PAG1: variants seen among roughly 807,000 people sequenced by gnomAD.
PAG1 encodes phosphoprotein associated with glycosphingolipid-enriched microdomains 1.
A neutral mutation model predicts 31.7 loss-of-function variants in PAG1; 23 were observed. The observed-to-expected ratio is 0.73, with a 90% CI of 0.52 to 1.03. The LOEUF is 1.03. Ranked by LOEUF, PAG1 falls within the 50% of genes least tolerant of loss-of-function variation. PAG1 has a pLI of 0.00. For missense variants in PAG1, 473 were observed against 540.7 expected (o/e 0.87, Z 1.24); for synonymous variants, 214 against 210.3 (o/e 1.02, Z -0.15).
At chr8:81,037,512 G>C (rs1808480805) in intron 2 of PAG1, among the ~76,000 whole-genome samples, 1 of 152,202 alleles carries the variant, frequency 6.6e-6, no homozygotes, top group Non-Finnish European at 1.5e-5. Flanking sequence ...AATCTTTCTT[G>C]TTGGCACAGA....
At chr8:81,108,761 C>T (rs1213277058) in intron 1 of PAG1, among the ~76,000 whole-genome samples, 4 of 152,194 alleles carry the variant, frequency 2.6e-5, no homozygotes, top group Admixed American at 1.3e-4. Context: ...AAGTACTGCT[C>T]ACACAGCACC....
chr8:80,987,660 G>A (rs1807453753), intron 5 of PAG1, 194 bp from the exon 6 acceptor site: 1 of 532,382 alleles, frequency 1.9e-6, no homozygotes, highest in Non-Finnish European at 3.4e-6. Context: ...AAAACCATGA[G>A]TAGTACTGAA....
At chr8:81,073,251 A>G (rs1809122867) in intron 1 of PAG1, among the ~76,000 whole-genome samples, 1 of 152,192 alleles carries the variant, frequency 6.6e-6, no homozygotes, top group African/African-American at 2.4e-5. Flanking sequence ...TGTAAAATAG[A>G]ACTGGTTACA....
Position 81,066,202 on chromosome 8 carries a change from C to T in PAG1, c.-175+3910G>A, listed in dbSNP as rs149948520. On this transcript the variant is annotated intron_variant, in intron 2 of 8. Coordinates refer to ENST00000220597, the MANE Select transcript of PAG1 (RefSeq NM_018440.4). Reference sequence around the variant, plus strand: ...TTCCAATAACCCGTTGTGCATCAGACACAATCATGGCTTGGCTTCAGTCAC... The same window carrying T: ...TTCCAATAACCCGTTGTGCATCAGATACAATCATGGCTTGGCTTCAGTCAC... Among the ~76,000 whole-genome samples the T allele has an allele frequency of 9.3e-3, 1,419 of 152,334 alleles. 10 individuals are homozygous for T. Among genetic ancestry groups the T allele is most frequent in the Non-Finnish European group, 0.015 (1,031 of 68,030 alleles).
At chr8:80,976,950 TC>T (rs762992425) in intron 8 of PAG1, 44 bp from the exon 9 acceptor site, 20 of 1,543,548 alleles carry the variant, frequency 1.3e-5, no homozygotes, top group Middle Eastern at 1.8e-4. Context: ...AGCTGTGACT[TC>T]CCCCTCCCTC....
At position 80,976,745 on chromosome 8, in the gene PAG1, T is replaced by C; in HGVS notation, c.1098A>G (p.Glu366=). 1 of 1,614,192 alleles carries C rather than the reference T, an allele frequency of 6.2e-7. No individual in the cohort carries two copies. Among genetic ancestry groups the C allele is most frequent in the East Asian group, 2.2e-5 (1 of 44,890 alleles). The stretch of plus-strand genomic sequence containing the variant: ...GTGGAAGTGTGCTGTTTGGAGTTTT[T>C]TCGAAGTCTTTAACAGTAGCATAGA... ...NDLYATVKDF[E]KTPNSTLPPA... is the part of the protein sequence containing the mutation. Residue 366 remains glutamate (E), a synonymous_variant, in exon 9 of 9, where the codon GAA becomes GAG. Transcript: ENST00000220597.
intron 3 of PAG1, among the ~76,000 whole-genome samples, chr8:80,999,882 ATGG>A (rs1807753154): frequency 1.3e-5 from 2 of 152,106 alleles, no homozygotes; most frequent in African/African-American, 4.8e-5. Flanking sequence ...TTCATTTTTA[ATGG>A]TGAAGAGAGA....
In PAG1 at chr8:80,990,410, G is replaced by C. The variant is rs1197629008; in HGVS notation, c.177+1069C>G. Reference sequence around the variant, plus strand: ...TTACGCCAGACCTTGGCTCATCCATGCTTCCTTGTTTGCACCCTCTCCTCC... The same window carrying C: ...TTACGCCAGACCTTGGCTCATCCATCCTTCCTTGTTTGCACCCTCTCCTCC... On this transcript the variant is annotated intron_variant, in intron 5 of 8. Coordinates refer to ENST00000220597, the MANE Select transcript of PAG1 (RefSeq NM_018440.4). The surrounding 1 kb of genome is among the most constrained non-coding windows in gnomAD (Gnocchi z 5.1). 1.3e-5 allele frequency among the ~76,000 whole-genome samples: 2 copies of C among 152,142 alleles called. No homozygotes were observed. The highest frequency in any genetic ancestry group is 2.9e-5 in the Non-Finnish European group (2 of 68,032).
chr8:81,005,312 G>A lies in PAG1; in HGVS notation c.-80-12005C>T, dbSNP rs553982665. Among the ~76,000 whole-genome samples the A allele has an allele frequency of 1.3e-4, 20 of 152,272 alleles. No individual in the cohort carries two copies. The South Asian group carries it at 3.1e-3, about 24-fold the overall frequency. ...ATGGCATATATATGTATGTATGTAT[G>A]TATGTATTTATATACTCCAATACAT... is the stretch of plus-strand genomic sequence containing the variant. On this transcript the variant is annotated intron_variant, in intron 3 of 8. Transcript: ENST00000220597.
Position 80,991,593 on chromosome 8 carries a change from C to T in PAG1, c.126-63G>A, listed in dbSNP as rs538304074. On this transcript the variant is annotated intron_variant, in intron 4 of 8. Transcript: ENST00000220597. ...CCCCCTTAAAATCAAGCGCACACTA[C>T]CCTTTCCTATCCCAATTCTTATCAG... is the stretch of plus-strand genomic sequence containing the variant. 408 of 1,071,858 alleles carry T rather than the reference C, an allele frequency of 3.8e-4. 5 individuals are homozygous for T. In the South Asian group the frequency reaches 4.9e-3, roughly 13 times the overall value. The allele number at this position is 1,071,858 out of a possible 1,614,324, so 66.4% of individuals were successfully genotyped here.
chr8:80,987,508 C>A lies in PAG1; in HGVS notation c.178-42G>T, dbSNP rs374536379. The A allele has an allele frequency of 5.3e-5, 72 of 1,366,910 alleles. No individual in the cohort carries two copies. The African/African-American group carries it at 9.7e-4, about 18-fold the overall frequency. The allele number at this position is 1,366,910 out of a possible 1,614,324, so 84.7% of individuals were successfully genotyped here. On this transcript the variant is annotated intron_variant, in intron 5 of 8. Coordinates refer to ENST00000220597, the MANE Select transcript of PAG1 (RefSeq NM_018440.4). ...AAACAAAAACAAATGCATCACATTG[C>A]TAAGAATCTGGACTGCAGAGCAGAG...
At chr8:81,072,779 T>C (rs1404807081) in intron 1 of PAG1, among the ~76,000 whole-genome samples, 3 of 152,170 alleles carry the variant, frequency 2.0e-5, no homozygotes, top group Non-Finnish European at 4.4e-5. Context: ...GTAGTGTGGA[T>C]GGGGACCATT....
At chr8:81,050,525 G>A (rs1432141080) in intron 2 of PAG1, among the ~76,000 whole-genome samples, 1 of 152,028 alleles carries the variant, frequency 6.6e-6, no homozygotes, top group Non-Finnish European at 1.5e-5. Context: ...CTTCATAAGT[G>A]TAGCTGTCAT....
rs147273873 is a variant in PAG1 at position 81,008,996 on chromosome 8, T to A, written c.-80-15689A>T. On this transcript the variant is annotated intron_variant, in intron 3 of 8. Coordinates refer to ENST00000220597, the MANE Select transcript of PAG1 (RefSeq NM_018440.4). The stretch of plus-strand genomic sequence containing the variant: ...GTGATAAACTCCTAGAGATTTTACT[T>A]CTCAGAAGAAGGTTTTCTGTCCTGG... 1.6e-3 allele frequency among the ~76,000 whole-genome samples: 251 copies of A among 152,354 alleles called. 5 individuals are homozygous for A. The East Asian group carries it at 0.041, about 25-fold the overall frequency.
chr8:81,040,998 G>A (rs1037905718), intron 2 of PAG1, among the ~76,000 whole-genome samples: 2 of 152,292 alleles, frequency 1.3e-5, no homozygotes, highest in East Asian at 1.9e-4. Flanking sequence ...ACAAATGCTC[G>A]CGAGGGTAAC....
chr8:80,985,071 G>A lies in PAG1; in HGVS notation c.581C>T (p.Ala194Val). The change falls in exon 7 of 9, where the codon GCA (alanine) becomes GTA (valine). Residue 194 changes from alanine (A) to valine (V), a missense_variant. Transcript: ENST00000220597. ...GCCACTGTGGCCTTTCTCCAGGTGT[G>A]CAGCTGCAGCCACCTCCTTGATCTC... is the stretch of plus-strand genomic sequence containing the variant. ...VKEIKEVAAA[A>V]HLEKGHSGKA... 6.2e-7 allele frequency: 1 copy of A among 1,614,104 alleles called. No individual in the cohort carries two copies. Among genetic ancestry groups the A allele is most frequent in the Non-Finnish European group, 8.5e-7 (1 of 1,180,008 alleles).
rs1300330180 is a variant in PAG1, at chr8:80,971,110, G to A, written c.*5434C>T. The A allele has an allele frequency of 2.0e-5, 3 of 152,180 alleles. No individual in the cohort carries two copies. Among genetic ancestry groups the A allele is most frequent in the African/African-American group, 7.2e-5 (3 of 41,438 alleles). The allele number at this position is 152,180 out of a possible 1,614,324, so 9.4% of individuals were successfully genotyped here. A position where few individuals can be genotyped will look rare whatever the true frequency, so the allele number is the denominator to read the frequency against. ...TCACAAAATGTTCAAGCTAATAAGA[G>A]ATATTTTTGGTCTTAAAACTAAGGT... On this transcript the variant is annotated 3_prime_UTR_variant, in exon 9 of 9. Coordinates refer to ENST00000220597, the MANE Select transcript of PAG1 (RefSeq NM_018440.4).
intron 1 of PAG1, among the ~76,000 whole-genome samples, chr8:81,088,055 TC>T (rs201068283): frequency 2.6e-5 from 4 of 152,348 alleles, no homozygotes; most frequent in South Asian, 4.1e-4. Flanking sequence ...CTCATTTTTT[TC>T]CCCAAAAATA....
intron 1 of PAG1, among the ~76,000 whole-genome samples, chr8:81,074,017 G>T (rs1020824860): frequency 6.6e-6 from 1 of 152,216 alleles, no homozygotes; most frequent in Admixed American, 6.5e-5. Flanking sequence ...CCCACTGAGG[G>T]GAGCACTGGC....
Sources: gnomAD v4.1 joint callset for allele counts (sites outside exome capture counted in the v4.1 genomes callset) on GRCh38, gnomAD v4.1.1 for gene constraint, Gnocchi (gnomAD v3.1) non-coding constraint, MANE v1.5 for transcripts, NCBI Gene and HGNC (gene_info 2026-07-23, HGNC 2026-07-21) for gene names.